Variants in CNTNAP2 observed in about 807,000 individuals in gnomAD.
The protein encoded by CNTNAP2 is contactin associated protein 2, also known as contactin-associated protein-like 2.
A neutral mutation model predicts 155.2 loss-of-function variants in CNTNAP2; 98 were observed. The ratio of observed to expected loss-of-function variants is 0.63; its 90% CI spans 0.54 to 0.75. CNTNAP2 has a LOEUF of 0.75. Among genes scored for constraint, CNTNAP2 ranks in the 30% least tolerant of loss-of-function variants. The pLI, the probability that CNTNAP2 is intolerant of heterozygous loss-of-function variation, is 0.00. For synonymous variants in CNTNAP2, 651 were observed against 631.2 expected, an observed-to-expected ratio of 1.03 and a Z score of -0.47; for missense variants, 1,727 against 1,688.1, an observed-to-expected ratio of 1.02 and a Z score of -0.40.
intron 15 of CNTNAP2, among the ~76,000 whole-genome samples, chr7:148,023,532 C>T (rs1483146519): frequency 2.0e-5 from 3 of 152,060 alleles, no homozygotes; most frequent in African/African-American, 7.2e-5. Context: ...GCCAATAGCC[C>T]TGTAGGTGAC....
chr7:148,355,237 A>G (rs1333541253), intron 21 of CNTNAP2, among the ~76,000 whole-genome samples: 1 of 113,008 alleles, frequency 8.8e-6, no homozygotes, highest in Non-Finnish European at 1.6e-5. Context: ...GCTGGAGTGC[A>G]GTGGTGCGAT....
At position 146,810,909 on chromosome 7, in the gene CNTNAP2, T is replaced by C. The variant is rs573811618; in HGVS notation, c.209-28802T>C. 4.5e-4 allele frequency among the ~76,000 whole-genome samples: 68 copies of C among 152,336 alleles called. No homozygotes were observed. The South Asian group carries it at 5.6e-3, about 13-fold the overall frequency. On this transcript the variant is annotated intron_variant, in intron 2 of 23. Transcript: ENST00000361727. ...TGAGATGATCATATGATTTTTAGCC[T>C]TCATTCTATTAATATAGTATATCAC... is the stretch of plus-strand genomic sequence containing the variant.
At position 147,260,137 on chromosome 7, in the gene CNTNAP2, G is replaced by C. The variant is rs61639545; in HGVS notation, c.1349-40004G>C. 7.2e-3 allele frequency among the ~76,000 whole-genome samples: 1,100 copies of C among 152,302 alleles called. 7 individuals carry two copies. Among genetic ancestry groups the C allele is most frequent in the African/African-American group, 0.025 (1,046 of 41,542 alleles). ...AAGGCAAACTAAACCTTGAAGATGA[G>C]GAACGGTAGTGAGCCATATCTAACA... On this transcript the variant is annotated intron_variant, in intron 8 of 23. Coordinates refer to ENST00000361727, the MANE Select transcript of CNTNAP2 (RefSeq NM_014141.6).
At chr7:147,759,005 A>T (rs1797258878) in intron 13 of CNTNAP2, among the ~76,000 whole-genome samples, 1 of 152,156 alleles carries the variant, frequency 6.6e-6, no homozygotes, top group South Asian at 2.1e-4. Flanking sequence ...TCAAGGTAAT[A>T]AGGTATATTT....
At chr7:146,515,846 G>T (rs945165873) in intron 1 of CNTNAP2, among the ~76,000 whole-genome samples, 1 of 152,092 alleles carries the variant, frequency 6.6e-6, no homozygotes, top group South Asian at 2.1e-4. Context: ...AATCCAGAGT[G>T]AAATCCTATG....
intron 20 of CNTNAP2, among the ~76,000 whole-genome samples, chr7:148,252,707 G>A (rs1160003647): frequency 6.6e-6 from 1 of 152,024 alleles, no homozygotes; most frequent in South Asian, 2.1e-4. Flanking sequence ...CTTCACGCCA[G>A]GCAGTGCCAG....
chr7:148,335,992 G>T (rs1320736550), intron 21 of CNTNAP2, among the ~76,000 whole-genome samples: 1 of 151,962 alleles, frequency 6.6e-6, no homozygotes, highest in African/African-American at 2.4e-5. Context: ...TTCCCTTCTT[G>T]CCCAGAGGAA....
At position 146,483,853 on chromosome 7, in the gene CNTNAP2, G is replaced by T. The variant is rs148714673; in HGVS notation, c.98-290418G>T. On this transcript the variant is annotated intron_variant, in intron 1 of 23. Coordinates refer to ENST00000361727, the MANE Select transcript of CNTNAP2 (RefSeq NM_014141.6). ...AAGTTACCGTAAGCTAAGGTTAGTTGGATATTGAAGAAAAATGTTTTCTAC... is the reference window on the plus strand; with the variant it reads ...AAGTTACCGTAAGCTAAGGTTAGTTTGATATTGAAGAAAAATGTTTTCTAC... 1.9e-3 allele frequency among the ~76,000 whole-genome samples: 291 copies of T among 152,118 alleles called. 1 individual carries two copies. Among genetic ancestry groups the T allele is most frequent in the African/African-American group, 6.7e-3 (278 of 41,516 alleles).
chr7:146,272,366 A>G (rs1800096050), intron 1 of CNTNAP2, among the ~76,000 whole-genome samples: 1 of 152,174 alleles, frequency 6.6e-6, no homozygotes, highest in African/African-American at 2.4e-5. Context: ...GATTATGGGA[A>G]CTACAACTCA....
Position 146,848,761 on chromosome 7 carries a change from A to G in CNTNAP2, c.402+8857A>G, listed in dbSNP as rs577538815. Among the ~76,000 whole-genome samples, 9 of 152,300 alleles carry G rather than the reference A, an allele frequency of 5.9e-5. No homozygotes were observed. In the East Asian group the frequency reaches 1.7e-3, roughly 29 times the overall value. On this transcript the variant is annotated intron_variant, in intron 3 of 23. Transcript: ENST00000361727. ...TCCTGACTTTCTGACATGCAACAAA[A>G]TAAAAAGCTGACCTTTATCTATTTA...
intron 1 of CNTNAP2, among the ~76,000 whole-genome samples, chr7:146,672,175 T>G (rs1031495520): frequency 6.6e-6 from 1 of 152,160 alleles, no homozygotes; most frequent in African/African-American, 2.4e-5. Flanking sequence ...AGAGATGCTC[T>G]CTCTCATCCT....
intron 9 of CNTNAP2, among the ~76,000 whole-genome samples, chr7:147,336,608 G>T (rs1169895735): frequency 6.6e-6 from 1 of 152,074 alleles, no homozygotes; most frequent in African/African-American, 2.4e-5. Context: ...TTCTAGGATT[G>T]GTAAGAACAT....
intron 3 of CNTNAP2, among the ~76,000 whole-genome samples, chr7:146,973,338 A>G (rs562778429): frequency 5.3e-5 from 8 of 152,278 alleles, no homozygotes; most frequent in Admixed American, 3.9e-4. Flanking sequence ...CACACTGGTT[A>G]TATTTCAAGC....
intron 15 of CNTNAP2, among the ~76,000 whole-genome samples, chr7:148,065,012 G>T (rs1227575617): frequency 2.0e-5 from 3 of 152,116 alleles, no homozygotes; most frequent in Non-Finnish European, 4.4e-5. Context: ...TCGGTTCGAA[G>T]AATTTTTTAA....
chr7:147,445,709 C>T (rs1005059845), intron 10 of CNTNAP2, among the ~76,000 whole-genome samples: 1 of 152,178 alleles, frequency 6.6e-6, no homozygotes, highest in Non-Finnish European at 1.5e-5. Flanking sequence ...TCAGAATACT[C>T]TGTTCATGAT....
chr7:147,744,645 A>G (rs542148521), intron 13 of CNTNAP2, among the ~76,000 whole-genome samples: 1 of 152,352 alleles, frequency 6.6e-6, no homozygotes, highest in Admixed American at 6.5e-5. Context: ...TTTAGAGGCT[A>G]GAAGCCCAAG....
At chr7:148,014,814 C>G (rs989847035) in intron 15 of CNTNAP2, among the ~76,000 whole-genome samples, 1 of 152,156 alleles carries the variant, frequency 6.6e-6, no homozygotes, top group African/African-American at 2.4e-5. Flanking sequence ...GCGGAACCAA[C>G]TAGAAAACAT....
At chr7:148,099,158 T>A (rs963778745) in intron 15 of CNTNAP2, among the ~76,000 whole-genome samples, 1 of 152,226 alleles carries the variant, frequency 6.6e-6, no homozygotes, top group Non-Finnish European at 1.5e-5. Flanking sequence ...CACATTAAAC[T>A]TTCCGTGCCT....
At chr7:147,157,360 A>G (rs1161449839) in intron 8 of CNTNAP2, among the ~76,000 whole-genome samples, 1 of 152,168 alleles carries the variant, frequency 6.6e-6, no homozygotes, top group Non-Finnish European at 1.5e-5. Flanking sequence ...AGAAGTGATC[A>G]GGAGGAAGAG....
Sources: gnomAD v4.1 joint callset for allele counts (sites outside exome capture counted in the v4.1 genomes callset) on GRCh38, gnomAD v4.1.1 for gene constraint, MANE v1.5 for transcripts, NCBI Gene and HGNC (gene_info 2026-07-23, HGNC 2026-07-21) for gene names.